Variants in BTN3A3 observed in about 807,000 individuals in gnomAD.
BTN3A3 encodes butyrophilin subfamily 3 member A3, also known as butyrophilin 3.
A neutral mutation model predicts 43.2 loss-of-function variants in BTN3A3; 39 were observed. That is an observed-to-expected ratio of 0.90 (90% CI 0.70 to 1.18). BTN3A3 has a LOEUF of 1.18. BTN3A3 is among the 50% of genes most tolerant of loss of function. The probability of loss-of-function intolerance (pLI) is 0.00; values close to 1 mark genes in which losing one functional copy is unlikely to be tolerated. For synonymous variants in BTN3A3, 255 were observed against 272.7 expected (o/e 0.93, Z 0.64); for missense variants, 631 against 722.8 (o/e 0.87, Z 1.46).
chr6:26,449,686 A>G lies in BTN3A3; in HGVS notation c.989A>G (p.His330Arg), dbSNP rs762672947. The stretch of plus-strand genomic sequence containing the variant: ...GGTGGAGAGAAGTCTTTGGCCTATC[A>G]TGGTGAGTGAGCCTGATGCTCTCTG... ...MARGEKSLAY[H>R]EWKMALFKPA... The change falls in exon 9 of 11, where the codon CAT becomes CGT. Residue 330 changes from histidine (H) to arginine (R), a missense_variant and splice_region_variant. Coordinates refer to ENST00000244519, the MANE Select transcript of BTN3A3 (RefSeq NM_006994.5). 8.1e-6 allele frequency: 13 copies of G among 1,614,102 alleles called. No homozygotes were observed. Among genetic ancestry groups the G allele is most frequent in the Non-Finnish European group, 8.5e-7 (1 of 1,180,024 alleles).
intron 10 of BTN3A3, 111 bp from the exon 11 acceptor site, chr6:26,451,564 A>T: frequency 6.7e-7 from 1 of 1,492,008 alleles, no homozygotes; most frequent in South Asian, 1.4e-5. Flanking sequence ...CAGGCTAGGG[A>T]CGCCAGGTTC....
In BTN3A3 at chr6:26,446,768, G is replaced by A. The variant is rs1018380873; in HGVS notation, c.715+783G>A. On this transcript the variant is annotated intron_variant, in intron 5 of 10. Transcript: ENST00000244519. ...TTTTGAGAGGGAGTCTCACTCTGTT[G>A]CCCAGGATGGAGTGCAATGGCGCAA... is the stretch of plus-strand genomic sequence containing the variant. 2.0e-5 allele frequency among the ~76,000 whole-genome samples: 3 copies of A among 152,098 alleles called. No homozygotes were observed. The South Asian group carries it at 6.2e-4, about 32-fold the overall frequency.
chr6:26,450,611 G>A (rs561281491), intron 10 of BTN3A3, among the ~76,000 whole-genome samples: 1 of 152,208 alleles, frequency 6.6e-6, no homozygotes, highest in African/African-American at 2.4e-5. Flanking sequence ...GGTGAAGACT[G>A]AAGTAATAAT....
rs2113836952 is a variant in BTN3A3, at chr6:26,445,873, G to T, written c.603G>T (p.Leu201=). ...CTGTGGTTGCAGATGGAGTGGGCCTGTATGCAGTAGCAGCATCTGTGATCA... is the reference window on the plus strand; with the variant it reads ...CTGTGGTTGCAGATGGAGTGGGCCTTTATGCAGTAGCAGCATCTGTGATCA... The part of the protein sequence containing the change: ...EAPVVADGVG[L]YAVAASVIMR... Residue 201 remains leucine (L), a synonymous_variant, in exon 5 of 11, where the codon CTG becomes CTT. Transcript: ENST00000244519. The T allele has an allele frequency of 1.2e-6, 2 of 1,614,220 alleles. No individual in the cohort carries two copies. Among genetic ancestry groups the T allele is most frequent in the Admixed American group, 3.3e-5 (2 of 60,028 alleles).
chr6:26,450,485 C>G (rs776562102), intron 10 of BTN3A3, among the ~76,000 whole-genome samples: 1 of 152,224 alleles, frequency 6.6e-6, no homozygotes, highest in Non-Finnish European at 1.5e-5. Flanking sequence ...GAACTTTGCA[C>G]TTCCCAGGCT....
At position 26,451,662 on chromosome 6, in the gene BTN3A3, A is replaced by G; in HGVS notation, c.1019-13A>G. On this transcript the variant is annotated splice_polypyrimidine_tract_variant and intron_variant, in intron 10 of 10. Transcript: ENST00000244519. ...TGGCTGACCCCATGGACACCTCCTC[A>G]AACTCTCTGCAGCGGATGTGATTCT... is the stretch of plus-strand genomic sequence containing the variant. The G allele has an allele frequency of 6.2e-7, 1 of 1,601,922 alleles. No individual in the cohort carries two copies. Among genetic ancestry groups the G allele is most frequent in the South Asian group, 1.1e-5 (1 of 89,290 alleles).
At chr6:26,446,041 G>A (rs45492394) in intron 5 of BTN3A3, 56 bp downstream of exon 5, 44,029 of 1,600,728 alleles carry the variant, frequency 0.028, 738 homozygotes, top group Middle Eastern at 0.047. Flanking sequence ...AGGTGATGAA[G>A]GGGGATGTGT....
chr6:26,448,171 C>T (rs1483612705), intron 5 of BTN3A3, 77 bp from the exon 6 acceptor site: 1 of 1,513,842 alleles, frequency 6.6e-7, no homozygotes, highest in African/African-American at 1.4e-5. Flanking sequence ...CTGGGCTGAG[C>T]AGCTAAAGCT....
chr6:26,448,592 T>A, intron 6 of BTN3A3, 25 bp from the exon 7 acceptor site: 1 of 1,613,882 alleles, frequency 6.2e-7, no homozygotes. Context: ...TCTTTTTTTC[T>A]TTTCTTTTTT....
chr6:26,448,481 G>T (rs1762841605), intron 6 of BTN3A3, 33 bp downstream of exon 6: 1 of 1,609,044 alleles, frequency 6.2e-7, no homozygotes, highest in Non-Finnish European at 8.5e-7. Flanking sequence ...CTAAGCCCCT[G>T]GCTTGCATGC....
Position 26,452,164 on chromosome 6 carries a change from C to A in BTN3A3, c.1508C>A (p.Thr503Asn). 6.2e-7 allele frequency: 1 copy of A among 1,614,120 alleles called. No individual in the cohort carries two copies. The highest frequency in any genetic ancestry group is 8.5e-7 in the Non-Finnish European group (1 of 1,180,024). Residue 503 changes from threonine (T) to asparagine (N), a missense_variant, in exon 11 of 11, where the codon ACC becomes AAC. Transcript: ENST00000244519. ...CTATATCCTGTTTTCAGAATTTTGA[C>A]CTTGGAGCCCACTGCCCTGACCATT... ...EPLYPVFRIL[T>N]LEPTALTICP...
intron 5 of BTN3A3, 104 bp from the exon 6 acceptor site, chr6:26,448,144 G>C: frequency 1.5e-6 from 2 of 1,321,792 alleles, no homozygotes; most frequent in Non-Finnish European, 2.0e-6. Flanking sequence ...TCATGAGATG[G>C]ATTCCATGCC....
chr6:26,450,201 A>G, intron 10 of BTN3A3, 68 bp downstream of exon 10: 1 of 1,554,356 alleles, frequency 6.4e-7, no homozygotes, highest in Non-Finnish European at 8.8e-7. Flanking sequence ...TCCTCCTCCA[A>G]CTCTTGTGAT....
At chr6:26,445,570 G>A in intron 4 of BTN3A3, 134 bp from the exon 5 acceptor site, 1 of 1,169,166 alleles carries the variant, frequency 8.6e-7, no homozygotes, top group Non-Finnish European at 1.2e-6. Flanking sequence ...TTTTCATCAT[G>A]ACCACACTTG....
chr6:26,447,966 A>G (rs2113839800), intron 5 of BTN3A3, among the ~76,000 whole-genome samples: 1 of 152,346 alleles, frequency 6.6e-6, no homozygotes, highest in East Asian at 1.9e-4. Flanking sequence ...TAAATGTGTT[A>G]CTGGTTGAAA....
Position 26,448,279 on chromosome 6 carries a change from C to T in BTN3A3, c.747C>T (p.Ile249=), listed in dbSNP as rs774323832. The part of the protein sequence containing the change: ...DPFFRSAQPW[I]AALAGTLPIS... Reference sequence around the variant, plus strand: ...TCTTCAGGAGCGCCCAGCCCTGGATCGCGGCCCTGGCAGGGACCCTGCCTA... The same window carrying T: ...TCTTCAGGAGCGCCCAGCCCTGGATTGCGGCCCTGGCAGGGACCCTGCCTA... The change falls in exon 6 of 11, where the codon ATC becomes ATT. Residue 249 remains isoleucine, a synonymous_variant. Transcript: ENST00000244519. The T allele has an allele frequency of 2.0e-5, 32 of 1,613,308 alleles. No homozygotes were observed. The highest frequency in any genetic ancestry group is 5.4e-5 in the African/African-American group (4 of 74,660).
At chr6:26,449,609 C>T in intron 8 of BTN3A3, 53 bp from the exon 9 acceptor site, 10 of 1,605,652 alleles carry the variant, frequency 6.2e-6, no homozygotes, top group Non-Finnish European at 8.5e-6. Flanking sequence ...TGGAAGGGGC[C>T]AACAGAGCAA....
intron 2 of BTN3A3, 45 bp downstream of exon 2, chr6:26,443,487 G>A (rs1762692771): frequency 1.9e-6 from 3 of 1,596,976 alleles, no homozygotes; most frequent in South Asian, 1.1e-5. Context: ...CCCTGGGGAA[G>A]TGGACATTTC....
chr6:26,442,658 C>T (rs907234778), intron 1 of BTN3A3, among the ~76,000 whole-genome samples: 4 of 152,196 alleles, frequency 2.6e-5, no homozygotes, highest in Non-Finnish European at 5.9e-5. Context: ...CTGGTTCAGT[C>T]GGTTACCACT....
Sources: allele counts gnomAD v4.1 joint callset (sites outside exome capture counted in the v4.1 genomes callset), GRCh38; gene constraint gnomAD v4.1.1; transcripts MANE v1.5; gene names NCBI Gene and HGNC (gene_info 2026-07-23, HGNC 2026-07-21).